TANGO6: variants seen among roughly 807,000 people sequenced by gnomAD.
TANGO6 encodes transport and Golgi organization protein 6 homolog.
In TANGO6, 90 loss-of-function variants were observed where a neutral mutation model predicts 114.2. That is an observed-to-expected ratio of 0.79 (90% CI 0.66 to 0.94). The LOEUF is 0.94. Among genes scored for constraint, TANGO6 ranks in the 40% least tolerant of loss-of-function variants. The pLI, the probability that TANGO6 is intolerant of heterozygous loss-of-function variation, is 0.00. For synonymous variants in TANGO6, 477 were observed against 509.8 expected, an observed-to-expected ratio of 0.94 and a Z score of 0.87; for missense variants, 1,274 against 1,315.3, an observed-to-expected ratio of 0.97 and a Z score of 0.49.
At chr16:68,945,976 C>T (rs149560396) in intron 14 of TANGO6, among the ~76,000 whole-genome samples, 230 of 152,208 alleles carry the variant, frequency 1.5e-3, no homozygotes, top group African/African-American at 4.9e-3. Flanking sequence ...TGAGCCACTG[C>T]GCCCAGCCTC....
chr16:68,968,492 G>C (rs1161996350), intron 14 of TANGO6, among the ~76,000 whole-genome samples: 1 of 151,362 alleles, frequency 6.6e-6, no homozygotes, highest in Non-Finnish European at 1.5e-5. Context: ...AGCCTCCCAA[G>C]TAGCTGTGAT....
chr16:69,001,838 T>C (rs960738015), intron 15 of TANGO6, among the ~76,000 whole-genome samples: 1 of 152,138 alleles, frequency 6.6e-6, no homozygotes. Context: ...GAGCACACTT[T>C]TTTCATTTAA....
chr16:68,876,506 T>G (rs1962362902), intron 5 of TANGO6, among the ~76,000 whole-genome samples: 1 of 152,100 alleles, frequency 6.6e-6, no homozygotes, highest in Admixed American at 6.6e-5. Context: ...TGCCCTCTTT[T>G]CATTTTGCTT....
intron 17 of TANGO6, among the ~76,000 whole-genome samples, chr16:69,069,608 C>G (rs1381282945): frequency 6.6e-6 from 1 of 152,114 alleles, no homozygotes; most frequent in Non-Finnish European, 1.5e-5. Context: ...CTTCACCTGT[C>G]TTATTATTTC....
intron 8 of TANGO6, 58 bp downstream of exon 8, chr16:68,900,604 G>GT: frequency 7.5e-7 from 1 of 1,333,880 alleles, no homozygotes; most frequent in Non-Finnish European, 1.0e-6. Flanking sequence ...TTTGCATGTT[G>GT]TTTTTGTTCT....
intron 15 of TANGO6, among the ~76,000 whole-genome samples, chr16:68,989,239 C>A (rs1963925176): frequency 6.6e-6 from 1 of 152,012 alleles, no homozygotes; most frequent in Non-Finnish European, 1.5e-5. Context: ...TAGGACTTTA[C>A]ACATATATTA....
Position 68,900,649 on chromosome 16 carries a change from C to T in TANGO6, c.1490+103C>T, listed in dbSNP as rs573362571. 4.2e-6 allele frequency: 4 copies of T among 946,062 alleles called. No individual in the cohort carries two copies. The Admixed American group carries it at 1.1e-4, about 25-fold the overall frequency. 58.6% of individuals were successfully genotyped at this position (946,062 alleles called of 1,614,324 possible). ...TTTATATTTGCCACTTTGAAATTAT[C>T]ATTTCCTTTCAAAGTCAGGAAAACA... On this transcript the variant is annotated intron_variant, in intron 8 of 17. Transcript: ENST00000261778.
chr16:68,915,771 C>T (rs1962995538), intron 11 of TANGO6, among the ~76,000 whole-genome samples: 3 of 152,166 alleles, frequency 2.0e-5, no homozygotes, highest in South Asian at 2.1e-4. Flanking sequence ...TAGTTTCCTG[C>T]GTTGCTTCAG....
chr16:68,915,058 A>C (rs1962981973), intron 11 of TANGO6, among the ~76,000 whole-genome samples: 1 of 148,890 alleles, frequency 6.7e-6, no homozygotes, highest in Admixed American at 6.8e-5. Context: ...GCACTTTGGG[A>C]GGCTACTCGG....
intron 17 of TANGO6, among the ~76,000 whole-genome samples, chr16:69,062,302 T>G (rs1263888988): frequency 6.6e-6 from 1 of 152,094 alleles, no homozygotes; most frequent in African/African-American, 2.4e-5. Context: ...TATAAAAAAG[T>G]GACCTCTCCT....
At chr16:69,005,393 C>T (rs1408749104) in intron 15 of TANGO6, among the ~76,000 whole-genome samples, 2 of 152,316 alleles carry the variant, frequency 1.3e-5, no homozygotes, top group South Asian at 2.1e-4. Flanking sequence ...CCATCTGGGG[C>T]ACCCAGACAA....
intron 14 of TANGO6, among the ~76,000 whole-genome samples, chr16:68,971,700 C>T (rs1478929370): frequency 1.3e-5 from 2 of 150,174 alleles, no homozygotes; most frequent in African/African-American, 4.9e-5. Flanking sequence ...GGTGTGATCT[C>T]GGCTCACTGC....
intron 17 of TANGO6, among the ~76,000 whole-genome samples, chr16:69,068,688 T>C (rs1960253516): frequency 6.6e-6 from 1 of 152,142 alleles, no homozygotes; most frequent in South Asian, 2.1e-4. Context: ...CACCCACCAT[T>C]TGCAATTCCT....
intron 15 of TANGO6, among the ~76,000 whole-genome samples, chr16:69,020,634 T>G (rs1959384930): frequency 6.6e-6 from 1 of 152,098 alleles, no homozygotes; most frequent in South Asian, 2.1e-4. Flanking sequence ...ATAGGTGACT[T>G]TATGCTTGTA....
chr16:68,906,146 T>C (rs1396719388), intron 9 of TANGO6, among the ~76,000 whole-genome samples: 3 of 151,776 alleles, frequency 2.0e-5, no homozygotes, highest in Non-Finnish European at 4.4e-5. Context: ...CGCCATTGCA[T>C]TCCAGCCTGG....
At chr16:69,040,123 G>T (rs1194799820) in intron 16 of TANGO6, among the ~76,000 whole-genome samples, 185 bp from the exon 17 acceptor site, 1 of 152,136 alleles carries the variant, frequency 6.6e-6, no homozygotes, top group Non-Finnish European at 1.5e-5. Flanking sequence ...TACCAGAAAA[G>T]TCAGACTGCA....
At chr16:68,849,064 G>A (rs1338655967) in intron 1 of TANGO6, among the ~76,000 whole-genome samples, 1 of 152,190 alleles carries the variant, frequency 6.6e-6, no homozygotes, top group Non-Finnish European at 1.5e-5. Flanking sequence ...GCCGAGTGCA[G>A]TGGCTAACGC....
At chr16:68,916,024 A>G (rs1271050902) in intron 11 of TANGO6, among the ~76,000 whole-genome samples, 1 of 152,168 alleles carries the variant, frequency 6.6e-6, no homozygotes, top group Admixed American at 6.5e-5. Context: ...AGGTGTTTTT[A>G]CTTAAGTTGA....
At position 68,902,379 on chromosome 16, in the gene TANGO6, G is replaced by A. The variant is rs1421778015; in HGVS notation, c.1542G>A (p.Lys514=). The part of the protein sequence containing the change: ...LLWILGKLER[K]KAIASLKGFA... Reference sequence around the variant, plus strand: ...GGATTCTGGGGAAGCTGGAAAGGAAGAAGGCAATTGCCAGCCTGAAAGGAT... The same window carrying A: ...GGATTCTGGGGAAGCTGGAAAGGAAAAAGGCAATTGCCAGCCTGAAAGGAT... The change falls in exon 9 of 18, where the codon AAG becomes AAA. Residue 514 remains lysine, a synonymous_variant. Coordinates refer to ENST00000261778, the MANE Select transcript of TANGO6 (RefSeq NM_024562.2). 4 of 1,613,272 alleles carry A rather than the reference G, an allele frequency of 2.5e-6. No homozygotes were observed. The highest frequency in any genetic ancestry group is 1.3e-5 in the African/African-American group (1 of 74,886).
Sources: gnomAD v4.1 joint callset for allele counts (sites outside exome capture counted in the v4.1 genomes callset) on GRCh38, gnomAD v4.1.1 for gene constraint, MANE v1.5 for transcripts, NCBI Gene and HGNC (gene_info 2026-07-23, HGNC 2026-07-21) for gene names.